ZNF558: variants seen among roughly 807,000 people sequenced by gnomAD.
ZNF558 encodes the protein zinc finger protein 558.
In ZNF558, 23 loss-of-function variants were observed where a neutral mutation model predicts 37.6. That is an observed-to-expected ratio of 0.61 (90% CI 0.44 to 0.87). ZNF558 has a LOEUF of 0.87. Ranked by LOEUF, ZNF558 falls within the 40% of genes least tolerant of loss-of-function variation. ZNF558 has a pLI of 0.00. For missense variants in ZNF558, 429 were observed against 483.7 expected (o/e 0.89, Z 1.06); for synonymous variants, 189 against 174.4 (o/e 1.08, Z -0.66).
At chr19:8,812,132 T>C in intron 9 of ZNF558, 69 bp from the exon 10 acceptor site, 1 of 1,306,184 alleles carries the variant, frequency 7.7e-7, no homozygotes, top group Non-Finnish European at 1.0e-6. Context: ...CTCCTAGGAA[T>C]CTTCTCTCCC....
In ZNF558 at chr19:8,827,946, T is replaced by C. The variant is rs118084044; in HGVS notation, c.-508-2838A>G. 5.2e-4 allele frequency among the ~76,000 whole-genome samples: 79 copies of C among 152,290 alleles called. 1 individual carries two copies. The East Asian group carries it at 9.1e-3, about 18-fold the overall frequency. On this transcript the variant is annotated intron_variant, in intron 2 of 9. Transcript: ENST00000601372. ...GCAGGGAGCGTGGCAGCCTCTCTCC[T>C]GCTGCAGGGCCTTTCCTTACACAGC... is the stretch of plus-strand genomic sequence containing the variant.
chr19:8,822,964 G>T lies in ZNF558; in HGVS notation c.-65-240C>A. 2.3e-6 allele frequency: 1 copy of T among 426,794 alleles called. No individual in the cohort carries two copies. Among genetic ancestry groups the T allele is most frequent in the Non-Finnish European group, 4.4e-6 (1 of 228,838 alleles). 26.4% of individuals were successfully genotyped at this position (426,794 alleles called of 1,614,324 possible). On this transcript the variant is annotated intron_variant, in intron 4 of 9. Transcript: ENST00000601372. This position sits in a 1 kb window ranked among gnomAD's most constrained non-coding sequence, Gnocchi z 4.4. Reference sequence around the variant, plus strand: ...TGACCCACCCGCTTTGAGAACCTCGGCTTCACGCAGTCTCACGGCATGTTC... The same window carrying T: ...TGACCCACCCGCTTTGAGAACCTCGTCTTCACGCAGTCTCACGGCATGTTC...
rs1283972287 is a variant in ZNF558 at position 8,808,970 on chromosome 19, G to A, written c.*2311C>T. ...AATCTTTATACTTTTAGTAGAGATA[G>A]GGTTTCACCACGTTGGCCAGGATGG... is the stretch of plus-strand genomic sequence containing the variant. On this transcript the variant is annotated 3_prime_UTR_variant, in exon 10 of 10. Coordinates refer to ENST00000601372, the MANE Select transcript of ZNF558 (RefSeq NM_144693.3). The A allele has an allele frequency of 6.6e-6, 1 of 152,068 alleles. No homozygotes were observed. The highest frequency in any genetic ancestry group is 1.5e-5 in the Non-Finnish European group (1 of 68,026). The allele number at this position is 152,068 out of a possible 1,614,324, so 9.4% of individuals were successfully genotyped here.
At chr19:8,821,532 A>G (rs886794819) in intron 6 of ZNF558, 2 of 1,431,616 alleles carry the variant, frequency 1.4e-6, no homozygotes, top group South Asian at 3.0e-5. Context: ...TCAGCCCTCA[A>G]TGCTTGTCTC....
chr19:8,827,749 T>C (rs2044265621), intron 2 of ZNF558, among the ~76,000 whole-genome samples: 2 of 152,062 alleles, frequency 1.3e-5, no homozygotes, highest in African/African-American at 4.8e-5. Context: ...AATTTTCGTA[T>C]TTTTAGTAGA....
rs568078273 is a variant in ZNF558 at position 8,828,965 on chromosome 19, T to TAA, written c.-509+2351_-509+2352dup. On this transcript the variant is annotated intron_variant, in intron 2 of 9. Transcript: ENST00000601372. ...GTGACCAAGTGAGATTCTGTCTCAT[T>TAA]AAAAAAAAAAAAAAGGCCGGGTGTG... Among the ~76,000 whole-genome samples the TAA allele has an allele frequency of 4.6e-4, 60 of 129,472 alleles. 1 individual carries two copies. The highest frequency in any genetic ancestry group is 2.8e-3 in the Admixed American group (36 of 12,724). 84.9% of individuals were successfully genotyped at this position (129,472 alleles called of 152,430 possible). A position where few individuals can be genotyped will look rare whatever the true frequency, so the allele number is the denominator to read the frequency against.
intron 6 of ZNF558, 40 bp downstream of exon 6, chr19:8,821,963 C>G (rs1268428148): frequency 6.2e-7 from 1 of 1,611,894 alleles, no homozygotes; most frequent in Admixed American, 1.7e-5. Flanking sequence ...ACCTTCTGGC[C>G]AAAGGAATAA....
At chr19:8,819,392 G>T (rs1337321811) in intron 7 of ZNF558, among the ~76,000 whole-genome samples, 1 of 152,008 alleles carries the variant, frequency 6.6e-6, no homozygotes, top group African/African-American at 2.4e-5. Context: ...AGTTGGCCAG[G>T]CTGGTCTTGA....
At chr19:8,821,916 C>T in intron 6 of ZNF558, 87 bp downstream of exon 6, 2 of 1,572,468 alleles carry the variant, frequency 1.3e-6, no homozygotes, top group Admixed American at 1.7e-5. Flanking sequence ...CCTGGTTTGG[C>T]CATGAGGCTC....
chr19:8,824,506 C>G (rs1318806294), intron 3 of ZNF558, 89 bp from the exon 4 acceptor site: 1 of 152,182 alleles, frequency 6.6e-6, no homozygotes, highest in African/African-American at 2.4e-5. Context: ...CAAGAGATGA[C>G]AAATCATCTC....
rs75612303 is a variant in ZNF558, at chr19:8,821,796, G to T, written c.120+207C>A. The stretch of plus-strand genomic sequence containing the variant: ...CTCTCAGGAGCACATGATGTACTCA[G>T]GGACCCTGGAGGGAGCTCTGAACCT... On this transcript the variant is annotated intron_variant, in intron 6 of 9. Transcript: ENST00000601372. 918 of 1,400,678 alleles carry T rather than the reference G, an allele frequency of 6.6e-4. 14 individuals are homozygous for T. In the East Asian group the frequency reaches 0.019, roughly 29 times the overall value. The allele number at this position is 1,400,678 out of a possible 1,614,324, so 86.8% of individuals were successfully genotyped here.
chr19:8,825,153 A>T (rs1395653261), intron 2 of ZNF558, 45 bp from the exon 3 acceptor site: 2 of 152,232 alleles, frequency 1.3e-5, no homozygotes, highest in Non-Finnish European at 2.9e-5. Flanking sequence ...TGCAAAAAAC[A>T]TTTGTTCTTT....
intron 2 of ZNF558, among the ~76,000 whole-genome samples, chr19:8,826,627 C>T (rs1226725711): frequency 2.0e-5 from 3 of 152,062 alleles, no homozygotes; most frequent in African/African-American, 4.8e-5. Flanking sequence ...GATGAAGCTT[C>T]GCTCACCTGC....
At chr19:8,829,186 G>A (rs1484719349) in intron 2 of ZNF558, among the ~76,000 whole-genome samples, 1 of 151,846 alleles carries the variant, frequency 6.6e-6, no homozygotes, top group African/African-American at 2.4e-5. Flanking sequence ...TTGAACCCGG[G>A]AGGCCGGGGG....
At chr19:8,816,459 G>C (rs2043942860) in intron 7 of ZNF558, among the ~76,000 whole-genome samples, 1 of 152,182 alleles carries the variant, frequency 6.6e-6, no homozygotes, top group Admixed American at 6.5e-5. Flanking sequence ...TCCTCGGTAA[G>C]ATTACAGTCA....
chr19:8,835,009 T>A (rs2044439641), upstream of ZNF558, among the ~76,000 whole-genome samples: 1 of 151,636 alleles, frequency 6.6e-6, no homozygotes, highest in African/African-American at 2.4e-5. Flanking sequence ...GGCTTGCGAC[T>A]CAGCAATAAA....
Position 8,807,305 on chromosome 19 carries a change from T to TGC in ZNF558, c.*3974_*3975dup, listed in dbSNP as rs1388992313. ...AGCTCTGCCCTGCTAAGCTGCTGGGTGCTTTACAACTTTTTGTGGTTTCCC... is the reference window on the plus strand; with the variant it reads ...AGCTCTGCCCTGCTAAGCTGCTGGGTGCGCTTTACAACTTTTTGTGGTTTCCC... On this transcript the variant is annotated 3_prime_UTR_variant, in exon 10 of 10. Coordinates refer to ENST00000601372, the MANE Select transcript of ZNF558 (RefSeq NM_144693.3). 3 of 152,364 alleles carry TGC rather than the reference T, an allele frequency of 2.0e-5. No individual in the cohort carries two copies. Among genetic ancestry groups the TGC allele is most frequent in the African/African-American group, 7.2e-5 (3 of 41,438 alleles). 9.4% of individuals were successfully genotyped at this position (152,364 alleles called of 1,614,324 possible). A position where few individuals can be genotyped will look rare whatever the true frequency, so the allele number is the denominator to read the frequency against.
upstream of ZNF558, among the ~76,000 whole-genome samples, chr19:8,832,873 T>C (rs989034120): frequency 1.3e-5 from 2 of 151,652 alleles, no homozygotes; most frequent in Non-Finnish European, 2.9e-5. Flanking sequence ...GGAGATAAGC[T>C]CCGGGCCGGG....
intron 9 of ZNF558, 135 bp from the exon 10 acceptor site, chr19:8,812,198 G>A: frequency 1.2e-6 from 1 of 848,756 alleles, no homozygotes; most frequent in Non-Finnish European, 1.7e-6. Flanking sequence ...GTGGTTGTAT[G>A]TGATTTCTGC....
Sources: gnomAD v4.1 joint callset for allele counts (sites outside exome capture counted in the v4.1 genomes callset) on GRCh38, gnomAD v4.1.1 for gene constraint, Gnocchi (gnomAD v3.1) non-coding constraint, MANE v1.5 for transcripts, NCBI Gene and HGNC (gene_info 2026-07-23, HGNC 2026-07-21) for gene names.